Variants in ANKH observed in about 807,000 individuals in gnomAD.
ANKH encodes the protein ANKH inorganic pyrophosphate transport regulator.
Under a neutral mutation model 49.0 loss-of-function variants are expected in ANKH, and 15 were observed. The observed-to-expected ratio is 0.31, with a 90% CI of 0.20 to 0.47. The LOEUF (loss-of-function observed/expected upper bound fraction) is 0.47. Among genes scored for constraint, ANKH ranks in the 20% least tolerant of loss-of-function variants. The pLI, the probability that ANKH is intolerant of heterozygous loss-of-function variation, is 1.00. For missense variants in ANKH, 429 were observed against 652.0 expected (o/e 0.66, Z 3.72); for synonymous variants, 273 against 260.0 (o/e 1.05, Z -0.48).
In ANKH at chr5:14,710,652, G is replaced by A. The variant is rs149623281; in HGVS notation, c.*545C>T. 2.2e-3 allele frequency: 365 copies of A among 165,924 alleles called. 1 individual carries two copies. The highest frequency in any genetic ancestry group is 8.3e-3 in the African/African-American group (345 of 41,736). 10.3% of individuals were successfully genotyped at this position (165,924 alleles called of 1,614,324 possible). A position where few individuals can be genotyped will look rare whatever the true frequency, so the allele number is the denominator to read the frequency against. Reference sequence around the variant, plus strand: ...GGCTGCAGCGTGCCACCCGCCTCCTGCATGTGTGGAGTAGATGGTTTCGAA... The same window carrying A: ...GGCTGCAGCGTGCCACCCGCCTCCTACATGTGTGGAGTAGATGGTTTCGAA... On this transcript the variant is annotated 3_prime_UTR_variant, in exon 12 of 12. Transcript: ENST00000284268.
At chr5:14,809,670 T>C (rs1356220064) in intron 1 of ANKH, among the ~76,000 whole-genome samples, 1 of 152,254 alleles carries the variant, frequency 6.6e-6, no homozygotes, top group African/African-American at 2.4e-5. Context: ...TCTGCAGGTA[T>C]GAAATGTAGA....
At chr5:14,722,904 C>A (rs181803853) in intron 8 of ANKH, among the ~76,000 whole-genome samples, 3 of 151,984 alleles carry the variant, frequency 2.0e-5, no homozygotes, top group African/African-American at 7.2e-5. Flanking sequence ...CACGCACATA[C>A]CCTCGATAAG....
chr5:14,707,445 C>T lies in ANKH; in HGVS notation c.*3752G>A, dbSNP rs896227717. On this transcript the variant is annotated 3_prime_UTR_variant, in exon 12 of 12. Coordinates refer to ENST00000284268, the MANE Select transcript of ANKH (RefSeq NM_054027.6). The stretch of plus-strand genomic sequence containing the variant: ...AGAGAGCAGAGAGCTGTTAACATTT[C>T]ACACTTCTTATTCTGAAAATATAAG... The T allele has an allele frequency of 9.9e-5, 15 of 152,192 alleles. No individual in the cohort carries two copies. Among genetic ancestry groups the T allele is most frequent in the Non-Finnish European group, 2.1e-4 (14 of 68,032 alleles). 9.4% of individuals were successfully genotyped at this position (152,192 alleles called of 1,614,324 possible). A position where few individuals can be genotyped will look rare whatever the true frequency, so the allele number is the denominator to read the frequency against.
intron 1 of ANKH, among the ~76,000 whole-genome samples, chr5:14,821,011 T>C (rs1160508990): frequency 6.6e-6 from 1 of 151,884 alleles, no homozygotes; most frequent in Non-Finnish European, 1.5e-5. Context: ...GGTGGGAGGA[T>C]TGCTTGAGCT....
At chr5:14,735,454 G>C (rs1380031617) in intron 8 of ANKH, among the ~76,000 whole-genome samples, 1 of 152,200 alleles carries the variant, frequency 6.6e-6, no homozygotes, top group Non-Finnish European at 1.5e-5. Flanking sequence ...AATCCATGTA[G>C]CCTTAAGTGA....
chr5:14,794,398 G>A (rs1313131704), intron 1 of ANKH, among the ~76,000 whole-genome samples: 1 of 152,258 alleles, frequency 6.6e-6, no homozygotes, highest in Non-Finnish European at 1.5e-5. Flanking sequence ...GTGAACGTGG[G>A]CTAAAGACAG....
At chr5:14,857,124 A>G (rs1053142146) in intron 1 of ANKH, among the ~76,000 whole-genome samples, 3 of 152,126 alleles carry the variant, frequency 2.0e-5, no homozygotes, top group South Asian at 4.1e-4. Flanking sequence ...TTTGCAGTAC[A>G]TATCGGGTCC....
intron 1 of ANKH, among the ~76,000 whole-genome samples, chr5:14,829,508 A>G (rs1741444792): frequency 6.6e-6 from 1 of 152,218 alleles, no homozygotes; most frequent in East Asian, 1.9e-4. Context: ...AAAGTGTCAA[A>G]TCTTTACTTT....
intron 8 of ANKH, among the ~76,000 whole-genome samples, chr5:14,728,556 A>T (rs1308116188): frequency 6.6e-6 from 1 of 152,218 alleles, no homozygotes; most frequent in Non-Finnish European, 1.5e-5. Flanking sequence ...GCCCAGCATT[A>T]ACAAAGCCTC....
intron 9 of ANKH, among the ~76,000 whole-genome samples, chr5:14,715,815 A>G (rs1435082286): frequency 6.6e-6 from 1 of 152,230 alleles, no homozygotes; most frequent in Non-Finnish European, 1.5e-5. Flanking sequence ...ATTCTTGTGT[A>G]TAGTACACCT....
At chr5:14,861,495 C>A (rs185741407) in intron 1 of ANKH, among the ~76,000 whole-genome samples, 2 of 152,284 alleles carry the variant, frequency 1.3e-5, no homozygotes, top group African/African-American at 4.8e-5. Context: ...TTGGATTTCT[C>A]CCCAGCCTGG....
intron 7 of ANKH, among the ~76,000 whole-genome samples, chr5:14,744,121 T>C (rs1017357751): frequency 2.0e-5 from 3 of 152,234 alleles, no homozygotes; most frequent in African/African-American, 7.2e-5. Context: ...AAAACAATGA[T>C]TTCTATCTAT....
intron 1 of ANKH, among the ~76,000 whole-genome samples, chr5:14,784,948 C>G (rs1739926088): frequency 6.6e-6 from 1 of 152,158 alleles, no homozygotes; most frequent in Admixed American, 6.5e-5. Flanking sequence ...AATAGCAGGA[C>G]AGTGGACTGT....
intron 1 of ANKH, among the ~76,000 whole-genome samples, chr5:14,785,358 A>G (rs182153978): frequency 6.6e-6 from 1 of 152,218 alleles, no homozygotes; most frequent in African/African-American, 2.4e-5. Flanking sequence ...CATGGTGATG[A>G]GTGAGTTCTT....
chr5:14,762,913 T>A (rs190556168), intron 2 of ANKH, among the ~76,000 whole-genome samples: 1 of 152,312 alleles, frequency 6.6e-6, no homozygotes, highest in Admixed American at 6.5e-5. Flanking sequence ...TAAACAAGGT[T>A]TTTGAACAGA....
chr5:14,733,103 A>G (rs1211401707), intron 8 of ANKH, among the ~76,000 whole-genome samples: 3 of 152,224 alleles, frequency 2.0e-5, no homozygotes, highest in Non-Finnish European at 4.4e-5. Context: ...TTCAAGCCAC[A>G]TCAGTTAAGA....
chr5:14,778,703 T>G (rs1739712184), intron 1 of ANKH, among the ~76,000 whole-genome samples: 1 of 152,192 alleles, frequency 6.6e-6, no homozygotes. Context: ...TACTGCAGCC[T>G]ACACTTCAGG....
intron 2 of ANKH, 171 bp downstream of exon 2, chr5:14,768,804 A>G: frequency 2.8e-6 from 2 of 712,448 alleles, no homozygotes; most frequent in East Asian, 5.4e-5. Context: ...AAAACACATT[A>G]TTGTCTTAAG....
intron 1 of ANKH, among the ~76,000 whole-genome samples, chr5:14,779,925 T>C (rs1280471720): frequency 6.6e-6 from 1 of 152,186 alleles, no homozygotes; most frequent in East Asian, 1.9e-4. Flanking sequence ...AAAGTAAAGA[T>C]TTTTTTCAAC....
Sources: allele counts gnomAD v4.1 joint callset (sites outside exome capture counted in the v4.1 genomes callset), GRCh38; gene constraint gnomAD v4.1.1; transcripts MANE v1.5; gene names NCBI Gene and HGNC (gene_info 2026-07-23, HGNC 2026-07-21).